Variants in NBEA observed in about 807,000 individuals in gnomAD.
NBEA encodes neurobeachin, also known as lysosomal-trafficking regulator 2.
Under a neutral mutation model 343.4 loss-of-function variants are expected in NBEA, and 44 were observed. The ratio of observed to expected loss-of-function variants is 0.13; its 90% CI spans 0.10 to 0.16. The LOEUF (loss-of-function observed/expected upper bound fraction) is 0.16, where lower values mean the gene tolerates loss of function less well. Among genes scored for constraint, NBEA ranks in the 10% least tolerant of loss-of-function variants. NBEA has a pLI of 1.00. For missense variants in NBEA, 2,555 were observed against 3,631.3 expected (o/e 0.70, Z 7.62); for synonymous variants, 1,175 against 1,238.7 (o/e 0.95, Z 1.08).
chr13:35,389,350 A>G (rs2042392144), intron 38 of NBEA, among the ~76,000 whole-genome samples: 1 of 152,156 alleles, frequency 6.6e-6, no homozygotes, highest in Non-Finnish European at 1.5e-5. Context: ...ACTCATCATT[A>G]TGCAGTTTTC....
intron 49 of NBEA, among the ~76,000 whole-genome samples, chr13:35,638,289 T>A (rs1290653122): frequency 6.6e-6 from 1 of 152,190 alleles, no homozygotes; most frequent in African/African-American, 2.4e-5. Flanking sequence ...TAACTTTTTT[T>A]AAAGGATAAT....
At chr13:35,141,198 A>G (rs2068070542) in intron 17 of NBEA, among the ~76,000 whole-genome samples, 1 of 152,218 alleles carries the variant, frequency 6.6e-6, no homozygotes, top group South Asian at 2.1e-4. Flanking sequence ...CCAGAGAACA[A>G]TAGAAAATTG....
At chr13:35,033,143 A>AGATTTAAGT (rs1218866939) in intron 1 of NBEA, among the ~76,000 whole-genome samples, 3 of 151,886 alleles carry the variant, frequency 2.0e-5, no homozygotes, top group African/African-American at 7.2e-5. Context: ...TTAAGGTCTG[A>AGATTTAAGT]GATTTAAGTC....
intron 11 of NBEA, among the ~76,000 whole-genome samples, chr13:35,102,075 A>G (rs2065673245): frequency 6.6e-6 from 1 of 151,536 alleles, no homozygotes; most frequent in African/African-American, 2.4e-5. Flanking sequence ...GGTATGAGGT[A>G]TAAGGGTCAA....
At chr13:35,551,173 A>C (rs763072063) in intron 43 of NBEA, 141 bp downstream of exon 43, 9 of 486,886 alleles carry the variant, frequency 1.8e-5, no homozygotes, top group Admixed American at 3.8e-5. Context: ...ATTTGTAGGG[A>C]TAGAGATTAT....
At chr13:34,981,095 A>G (rs1483024632) in intron 1 of NBEA, among the ~76,000 whole-genome samples, 5 of 152,124 alleles carry the variant, frequency 3.3e-5, no homozygotes, top group Non-Finnish European at 5.9e-5. Context: ...TCCCACCCCC[A>G]GCCTAAGGCA....
Position 35,197,800 on chromosome 13 carries a change from G to A in NBEA, c.5366+1498G>A, listed in dbSNP as rs527956964. ...CAGGCGTGCGCCACCGCACCTGGCC[G>A]AATTACCCTTTTAATACACAATATA... On this transcript the variant is annotated intron_variant, in intron 31 of 58. Transcript: ENST00000379939. Among the ~76,000 whole-genome samples the A allele has an allele frequency of 2.8e-4, 42 of 152,192 alleles. 1 individual carries two copies. Among genetic ancestry groups the A allele is most frequent in the African/African-American group, 6.5e-4 (27 of 41,548 alleles).
intron 38 of NBEA, among the ~76,000 whole-genome samples, chr13:35,424,703 G>C (rs1438457183): frequency 1.3e-5 from 2 of 152,100 alleles, no homozygotes; most frequent in African/African-American, 4.8e-5. Flanking sequence ...TCTATTGATT[G>C]GAATAGTTTC....
chr13:35,029,731 T>A (rs573858544), intron 1 of NBEA, among the ~76,000 whole-genome samples: 1 of 151,794 alleles, frequency 6.6e-6, no homozygotes, highest in Non-Finnish European at 1.5e-5. Context: ...GTACTTAAAT[T>A]GCTAGTATTT....
intron 38 of NBEA, among the ~76,000 whole-genome samples, chr13:35,422,989 G>A (rs1035344536): frequency 4.6e-5 from 7 of 152,092 alleles, no homozygotes; most frequent in Non-Finnish European, 8.8e-5. Context: ...ATTTGTTGAT[G>A]GGGTTGTTTG....
chr13:35,104,885 G>A (rs1482994426), intron 11 of NBEA, among the ~76,000 whole-genome samples: 2 of 151,928 alleles, frequency 1.3e-5, no homozygotes, highest in Non-Finnish European at 2.9e-5. Context: ...TTGATTCAAA[G>A]TATCTTAAAC....
rs76014346 is a variant in NBEA, at chr13:34,974,382, A to G, written c.294+31268A>G. Among the ~76,000 whole-genome samples the G allele has an allele frequency of 8.9e-3, 1,351 of 152,202 alleles. 20 individuals carry two copies. The highest frequency in any genetic ancestry group is 0.031 in the African/African-American group (1,273 of 41,518). ...CCTCTTCTTACCTGGACGTTTCACAATGGAATGAATAAGCAAGCTGATATC... is the reference window on the plus strand; with the variant it reads ...CCTCTTCTTACCTGGACGTTTCACAGTGGAATGAATAAGCAAGCTGATATC... On this transcript the variant is annotated intron_variant, in intron 1 of 58. Transcript: ENST00000379939.
At chr13:35,074,851 T>C (rs1395145072) in intron 10 of NBEA, among the ~76,000 whole-genome samples, 30 of 152,088 alleles carry the variant, frequency 2.0e-4, no homozygotes, top group Admixed American at 2.0e-3. Context: ...TAATTATGAA[T>C]CACATACAAA....
chr13:35,002,249 G>A (rs949975179), intron 1 of NBEA, among the ~76,000 whole-genome samples: 5 of 152,148 alleles, frequency 3.3e-5, no homozygotes, highest in Admixed American at 3.3e-4. Context: ...TGAGAGAATA[G>A]GGGTTCCCTG....
intron 41 of NBEA, among the ~76,000 whole-genome samples, chr13:35,518,860 A>C (rs1359435671): frequency 2.0e-5 from 3 of 152,158 alleles, no homozygotes; most frequent in Non-Finnish European, 4.4e-5. Flanking sequence ...TACCTCATAG[A>C]GGCTGACACT....
At chr13:35,319,126 T>C (rs746402247) in intron 36 of NBEA, among the ~76,000 whole-genome samples, 27 of 152,196 alleles carry the variant, frequency 1.8e-4, no homozygotes, top group Non-Finnish European at 3.4e-4. Context: ...ATCTTATTTA[T>C]TTCTTGTCTT....
intron 41 of NBEA, among the ~76,000 whole-genome samples, chr13:35,487,035 C>T (rs2076328538): frequency 6.6e-6 from 1 of 151,838 alleles, no homozygotes; most frequent in Non-Finnish European, 1.5e-5. Context: ...TTATCCATAT[C>T]ATAGTTTTAC....
At chr13:35,660,020 G>A (rs541757866) in intron 55 of NBEA, among the ~76,000 whole-genome samples, 3 of 152,286 alleles carry the variant, frequency 2.0e-5, no homozygotes, top group East Asian at 3.9e-4. Context: ...CTTGGACTTG[G>A]CCGCTTATCC....
intron 41 of NBEA, among the ~76,000 whole-genome samples, chr13:35,515,888 T>G (rs1411182861): frequency 6.6e-6 from 1 of 152,182 alleles, no homozygotes; most frequent in Non-Finnish European, 1.5e-5. Context: ...GGCCAATTAC[T>G]CCAAAGCACA....
Sources: allele counts gnomAD v4.1 joint callset (sites outside exome capture counted in the v4.1 genomes callset), GRCh38; gene constraint gnomAD v4.1.1; transcripts MANE v1.5; gene names NCBI Gene and HGNC (gene_info 2026-07-23, HGNC 2026-07-21).